SEMA5A: variants seen among roughly 807,000 people sequenced by gnomAD.
The protein encoded by SEMA5A is semaphorin-5A.
Under a neutral mutation model 135.5 loss-of-function variants are expected in SEMA5A, and 55 were observed. The ratio of observed to expected loss-of-function variants is 0.41; its 90% CI spans 0.33 to 0.51. The LOEUF (loss-of-function observed/expected upper bound fraction) is 0.51. SEMA5A is among the 20% of genes least tolerant of loss of function. The pLI is 0.37. For synonymous variants in SEMA5A, 580 were observed against 546.5 expected, an observed-to-expected ratio of 1.06 and a Z score of -0.85; for missense variants, 1,290 against 1,419.9, an observed-to-expected ratio of 0.91 and a Z score of 1.47.
chr5:9,190,623 G>T, intron 10 of SEMA5A, 152 bp from the exon 11 acceptor site: 1 of 680,714 alleles, frequency 1.5e-6, no homozygotes, highest in East Asian at 2.7e-5. Context: ...CATCCTCCCT[G>T]CAGCCCCTAT....
At chr5:9,409,398 C>A (rs1757020466) in intron 2 of SEMA5A, among the ~76,000 whole-genome samples, 1 of 152,172 alleles carries the variant, frequency 6.6e-6, no homozygotes, top group African/African-American at 2.4e-5. Flanking sequence ...AGTTACTGGC[C>A]AGTTAGCAAC....
intron 9 of SEMA5A, 72 bp downstream of exon 9, chr5:9,201,883 G>A: frequency 7.1e-7 from 1 of 1,414,528 alleles, no homozygotes. Flanking sequence ...TAAAACCTCA[G>A]AGGTCAAAGA....
At chr5:9,444,862 C>T (rs1439344620) in intron 1 of SEMA5A, among the ~76,000 whole-genome samples, 1 of 152,104 alleles carries the variant, frequency 6.6e-6, no homozygotes, top group Admixed American at 6.6e-5. Flanking sequence ...CCGCACCGGC[C>T]TGAATACAGA....
chr5:9,290,097 G>C (rs751408023), intron 5 of SEMA5A, among the ~76,000 whole-genome samples: 22 of 152,110 alleles, frequency 1.4e-4, no homozygotes, highest in Non-Finnish European at 2.8e-4. Flanking sequence ...GGTGGTGTTT[G>C]GTTATATGAA....
intron 12 of SEMA5A, among the ~76,000 whole-genome samples, chr5:9,148,267 A>G (rs183767766): frequency 6.6e-6 from 1 of 152,334 alleles, no homozygotes; most frequent in East Asian, 1.9e-4. Flanking sequence ...ACATTCATTT[A>G]TTCAAAAGGT....
intron 2 of SEMA5A, among the ~76,000 whole-genome samples, chr5:9,423,942 CA>C (rs1206899904): frequency 1.3e-5 from 2 of 152,172 alleles, no homozygotes; most frequent in African/African-American, 2.4e-5. Context: ...CTCTCAAACA[CA>C]AACTTTTCCC....
At chr5:9,488,636 C>T (rs888600339) in intron 1 of SEMA5A, among the ~76,000 whole-genome samples, 14 of 152,144 alleles carry the variant, frequency 9.2e-5, no homozygotes, top group African/African-American at 3.4e-4. Context: ...TTAATCAATT[C>T]CTACACTGAT....
At chr5:9,425,242 A>G (rs759723162) in intron 2 of SEMA5A, among the ~76,000 whole-genome samples, 3 of 152,054 alleles carry the variant, frequency 2.0e-5, no homozygotes, top group Non-Finnish European at 2.9e-5. Flanking sequence ...TTTTTTATTT[A>G]TTGTGAACGC....
intron 16 of SEMA5A, among the ~76,000 whole-genome samples, chr5:9,103,074 G>T (rs1739716356): frequency 6.6e-6 from 1 of 152,156 alleles, no homozygotes. Context: ...CACTGTTCTT[G>T]TTCGTATACT....
intron 1 of SEMA5A, among the ~76,000 whole-genome samples, chr5:9,445,902 GT>G (rs1472640538): frequency 3.3e-5 from 5 of 152,178 alleles, no homozygotes; most frequent in Admixed American, 6.5e-5. Flanking sequence ...ACTTCTACAA[GT>G]TGTATCCAAA....
At chr5:9,534,210 C>A (rs986481900) in intron 1 of SEMA5A, among the ~76,000 whole-genome samples, 1 of 152,174 alleles carries the variant, frequency 6.6e-6, no homozygotes, top group African/African-American at 2.4e-5. Flanking sequence ...CCACTATGAG[C>A]AATTCACTAA....
At chr5:9,221,225 A>T (rs1746935591) in intron 8 of SEMA5A, among the ~76,000 whole-genome samples, 1 of 151,900 alleles carries the variant, frequency 6.6e-6, no homozygotes, top group African/African-American at 2.4e-5. Flanking sequence ...GGCAGAACTA[A>T]GGGTGTTTGT....
At chr5:9,087,837 A>T (rs1738788724) in intron 16 of SEMA5A, among the ~76,000 whole-genome samples, 1 of 152,184 alleles carries the variant, frequency 6.6e-6, no homozygotes, top group Non-Finnish European at 1.5e-5. Flanking sequence ...TTATACACAG[A>T]ATTCTGTACC....
intron 2 of SEMA5A, among the ~76,000 whole-genome samples, chr5:9,416,203 G>A (rs1757277834): frequency 6.6e-6 from 1 of 152,110 alleles, no homozygotes; most frequent in African/African-American, 2.4e-5. Flanking sequence ...CTTTACTCAA[G>A]AAATTGGATT....
At position 9,190,380 on chromosome 5, in the gene SEMA5A, T is replaced by C. The variant is rs370946743; in HGVS notation, c.1160A>G (p.Gln387Arg). Residue 387 changes from glutamine (Q) to arginine (R), a missense_variant, in exon 11 of 23, where the codon CAG (glutamine) becomes CGG (arginine). Around this residue, in one of 3 missense-constraint regions of SEMA5A, gnomAD observed 1,029 missense variants for 1,086.6 expected, o/e 0.95. Transcript: ENST00000382496. ...GAAGGAGGGCACTGTGGTCACTGGCTGTACCACCTCATGCATCAGAATGAA... is the reference window on the plus strand; with the variant it reads ...GAAGGAGGGCACTGTGGTCACTGGCCGTACCACCTCATGCATCAGAATGAA... The part of the protein sequence containing the change: ...QKFILMHEVV[Q>R]PVTTVPSFME... 5.6e-6 allele frequency: 9 copies of C among 1,613,942 alleles called. No homozygotes were observed. The highest frequency in any genetic ancestry group is 7.6e-6 in the Non-Finnish European group (9 of 1,180,022).
At chr5:9,283,244 A>T (rs1750631447) in intron 5 of SEMA5A, among the ~76,000 whole-genome samples, 1 of 152,172 alleles carries the variant, frequency 6.6e-6, no homozygotes, top group South Asian at 2.1e-4. Flanking sequence ...TCGTGGTTTA[A>T]CCAGATCCTC....
chr5:9,378,394 T>C lies in SEMA5A; in HGVS notation c.124+1429A>G, dbSNP rs140880575. Among the ~76,000 whole-genome samples the C allele has an allele frequency of 9.6e-3, 1,465 of 152,286 alleles. 11 individuals carry two copies. Among genetic ancestry groups the C allele is most frequent in the Non-Finnish European group, 0.016 (1,091 of 68,008 alleles). On this transcript the variant is annotated intron_variant, in intron 3 of 22. Transcript: ENST00000382496. ...AGTTTTGTACCCACAGATGAATCAG[T>C]AGATTGAGGCTGTGATCATCAATGA...
At chr5:9,517,373 TCTCTAAGTGGGGTCCCAGGAC>T (rs1201850518) in intron 1 of SEMA5A, 1 of 152,196 alleles carries the variant, frequency 6.6e-6, no homozygotes. Context: ...AATACTCACT[TCTCTAAGTGGGGTCCCAGGAC>T]CTGTGGCATC....
chr5:9,246,340 G>A (rs577724778), intron 5 of SEMA5A, among the ~76,000 whole-genome samples: 4 of 152,256 alleles, frequency 2.6e-5, no homozygotes, highest in South Asian at 2.1e-4. Flanking sequence ...TATTGACATC[G>A]GAGTGGATTG....
Sources: gnomAD v4.1 joint callset for allele counts (sites outside exome capture counted in the v4.1 genomes callset) on GRCh38, gnomAD v4.1.1 for gene constraint, gnomAD v4.1.1 regional missense constraint, MANE v1.5 for transcripts, NCBI Gene and HGNC (gene_info 2026-07-23, HGNC 2026-07-21) for gene names.